B3GALT1: variants seen among roughly 807,000 people sequenced by gnomAD.
B3GALT1 encodes the protein UDP-Gal:betaGlcNAc beta 1,3-galactosyltransferase, polypeptide 1.
In B3GALT1, 10 loss-of-function variants were observed where a neutral mutation model predicts 23.2. The observed-to-expected ratio is 0.43, with a 90% CI of 0.27 to 0.73. B3GALT1 has a LOEUF of 0.73. Among genes scored for constraint, B3GALT1 ranks in the 30% least tolerant of loss-of-function variants. The pLI is 0.21. For missense variants in B3GALT1, 299 were observed against 405.4 expected (o/e 0.74, Z 2.25); for synonymous variants, 156 against 141.5 (o/e 1.10, Z -0.73).
chr2:167,765,352 G>A (rs1687960913), intron 3 of B3GALT1, among the ~76,000 whole-genome samples: 1 of 152,138 alleles, frequency 6.6e-6, no homozygotes, highest in African/African-American at 2.4e-5. Context: ...TGAAGCCCAG[G>A]TAGAGTATAA....
intron 3 of B3GALT1, among the ~76,000 whole-genome samples, chr2:167,692,494 G>A (rs10930280): frequency 0.043 from 6,481 of 152,074 alleles, 206 homozygotes; most frequent in East Asian, 0.1. Context: ...GTAATAAAAA[G>A]AGCATGCATA....
At chr2:167,518,499 G>A (rs1005431656) in intron 2 of B3GALT1, among the ~76,000 whole-genome samples, 6 of 152,244 alleles carry the variant, frequency 3.9e-5, no homozygotes, top group Admixed American at 3.3e-4. Context: ...AATAAAACAA[G>A]TAATACTGAA....
At chr2:167,546,879 CA>C (rs1683646673) in intron 2 of B3GALT1, among the ~76,000 whole-genome samples, 1 of 152,160 alleles carries the variant, frequency 6.6e-6, no homozygotes, top group Non-Finnish European at 1.5e-5. Flanking sequence ...GTCATTTCAC[CA>C]GAGTGTTTCT....
chr2:167,317,449 C>A (rs1426355904), intron 1 of B3GALT1, among the ~76,000 whole-genome samples: 1 of 152,070 alleles, frequency 6.6e-6, no homozygotes, highest in Non-Finnish European at 1.5e-5. Flanking sequence ...TTTCCGAAAA[C>A]ACTTAAAAAC....
At chr2:167,604,406 T>C (rs1283228458) in intron 2 of B3GALT1, among the ~76,000 whole-genome samples, 1 of 152,208 alleles carries the variant, frequency 6.6e-6, no homozygotes, top group Non-Finnish European at 1.5e-5. Context: ...GAGTATGCAG[T>C]TGTGTATTTT....
intron 1 of B3GALT1, among the ~76,000 whole-genome samples, chr2:167,464,121 A>G (rs973127072): frequency 1.6e-4 from 25 of 152,174 alleles, no homozygotes; most frequent in African/African-American, 6.0e-4. Context: ...AATGATTTAT[A>G]TGAGGAGTTC....
chr2:167,426,009 C>A (rs1421854474), intron 1 of B3GALT1, among the ~76,000 whole-genome samples: 1 of 152,070 alleles, frequency 6.6e-6, no homozygotes, highest in Non-Finnish European at 1.5e-5. Context: ...TAACCTATAA[C>A]CTTCAAAGAA....
At chr2:167,323,794 A>T (rs542179117) in intron 1 of B3GALT1, among the ~76,000 whole-genome samples, 114 of 150,992 alleles carry the variant, frequency 7.6e-4, no homozygotes, top group Middle Eastern at 3.4e-3. Context: ...TGTGTAAAAC[A>T]CTTCTTAACT....
At chr2:167,463,230 T>A (rs1699292427) in intron 1 of B3GALT1, among the ~76,000 whole-genome samples, 2 of 152,180 alleles carry the variant, frequency 1.3e-5, no homozygotes, top group Non-Finnish European at 2.9e-5. Flanking sequence ...TTTTAAGATC[T>A]ATAAGGGCAG....
intron 3 of B3GALT1, among the ~76,000 whole-genome samples, chr2:167,729,606 A>T (rs988702229): frequency 9.9e-5 from 15 of 152,098 alleles, no homozygotes; most frequent in African/African-American, 3.4e-4. Context: ...CTATTATGTA[A>T]GATTTTTATT....
At chr2:167,754,646 G>A (rs1439684562) in intron 3 of B3GALT1, among the ~76,000 whole-genome samples, 1 of 151,996 alleles carries the variant, frequency 6.6e-6, no homozygotes, top group East Asian at 1.9e-4. Context: ...AATATATATA[G>A]CCAGGCCACT....
At chr2:167,358,301 A>G (rs1697448076) in intron 1 of B3GALT1, among the ~76,000 whole-genome samples, 1 of 152,178 alleles carries the variant, frequency 6.6e-6, no homozygotes, top group South Asian at 2.1e-4. Context: ...TGAAGAAAGA[A>G]GGCTTCTGGG....
intron 3 of B3GALT1, among the ~76,000 whole-genome samples, chr2:167,788,656 C>T (rs1688382117): frequency 6.6e-6 from 1 of 152,082 alleles, no homozygotes; most frequent in South Asian, 2.1e-4. Flanking sequence ...TCCTTGCCCA[C>T]CACTCACCTC....
chr2:167,772,271 G>T (rs148493880), intron 3 of B3GALT1, among the ~76,000 whole-genome samples: 48 of 152,212 alleles, frequency 3.2e-4, no homozygotes, highest in Non-Finnish European at 3.7e-4. Context: ...AAGTCACAAC[G>T]ATATTTTCCC....
At chr2:167,361,339 G>A (rs1474995351) in intron 1 of B3GALT1, among the ~76,000 whole-genome samples, 2 of 151,546 alleles carry the variant, frequency 1.3e-5, no homozygotes, top group African/African-American at 4.9e-5. Flanking sequence ...CACATGTGAT[G>A]GGGAGTATAT....
chr2:167,694,447 ACTAT>A lies in B3GALT1; in HGVS notation c.-352+47482_-352+47485del, dbSNP rs575816419. Among the ~76,000 whole-genome samples, 299 of 152,280 alleles carry A rather than the reference ACTAT, an allele frequency of 2.0e-3. 4 individuals are homozygous for A. Among genetic ancestry groups the A allele is most frequent in the African/African-American group, 6.9e-3 (288 of 41,558 alleles). On this transcript the variant is annotated intron_variant, in intron 3 of 4. Transcript: ENST00000392690. ...AAACTTCCTCCATTTTGTTAACTTA[ACTAT>A]GTAAACAAGGCTCTCAATGTTTTCT...
intron 3 of B3GALT1, chr2:167,714,796 A>T: frequency 1.4e-5 from 22 of 1,613,118 alleles, no homozygotes; most frequent in Non-Finnish European, 1.8e-5. Flanking sequence ...CTTCAGTGAC[A>T]TGGCTGATCT....
At chr2:167,755,922 C>G (rs1687808294) in intron 3 of B3GALT1, among the ~76,000 whole-genome samples, 1 of 152,014 alleles carries the variant, frequency 6.6e-6, no homozygotes, top group African/African-American at 2.4e-5. Flanking sequence ...TTGCAAGGAG[C>G]CATGATGGAG....
chr2:167,844,811 C>T (rs1460556679), intron 4 of B3GALT1, among the ~76,000 whole-genome samples: 2 of 152,178 alleles, frequency 1.3e-5, no homozygotes, highest in Non-Finnish European at 2.9e-5. Flanking sequence ...AGAACCAAGC[C>T]TTGTTCTTTC....
Sources: gnomAD v4.1 joint callset for allele counts (sites outside exome capture counted in the v4.1 genomes callset) on GRCh38, gnomAD v4.1.1 for gene constraint, MANE v1.5 for transcripts, NCBI Gene and HGNC (gene_info 2026-07-23, HGNC 2026-07-21) for gene names.